ANXA4: variants seen among roughly 807,000 people sequenced by gnomAD.
ANXA4 encodes the protein annexin A4, also known as 35-beta calcimedin.
ANXA4 carries 39 observed loss-of-function variants against 49.8 expected under a neutral mutation model. The ratio of observed to expected loss-of-function variants is 0.78; its 90% CI spans 0.61 to 1.02. The LOEUF is 1.02. ANXA4 is among the 50% of genes least tolerant of loss of function. The pLI is 0.00. For missense variants in ANXA4, 360 were observed against 410.1 expected, an observed-to-expected ratio of 0.88 and a Z score of 1.05; for synonymous variants, 134 against 152.5, an observed-to-expected ratio of 0.88 and a Z score of 0.89.
intron 3 of ANXA4, among the ~76,000 whole-genome samples, chr2:69,736,888 A>G (rs1435759870): frequency 2.0e-5 from 3 of 152,222 alleles, no homozygotes; most frequent in Non-Finnish European, 4.4e-5. Context: ...TGAAACCTCC[A>G]GTTCCCAGGT....
At chr2:69,694,542 G>T (rs1343915745) in intron 2 of ANXA4, among the ~76,000 whole-genome samples, 8 of 86,610 alleles carry the variant, frequency 9.2e-5, no homozygotes, top group Non-Finnish European at 1.5e-4. Flanking sequence ...CCCCACAACA[G>T]TCCCCGGTGT....
intron 2 of ANXA4, among the ~76,000 whole-genome samples, chr2:69,683,166 A>C (rs75774734): frequency 0.011 from 1,663 of 152,366 alleles, 27 homozygotes; most frequent in African/African-American, 0.039. Context: ...ATAAACACAC[A>C]TATGTCAATA....
chr2:69,762,313 AAGCTGGAGGCTGCACTGAGCT>A (rs1237465243), intron 1 of ANXA4, among the ~76,000 whole-genome samples: 3 of 152,018 alleles, frequency 2.0e-5, no homozygotes, highest in Non-Finnish European at 4.4e-5. Flanking sequence ...TGGACCCTAA[AAGCTGGAGGCTGCACTGAGCT>A]ATGATAGTGC....
chr2:69,732,852 T>C (rs1237867669), intron 3 of ANXA4, among the ~76,000 whole-genome samples: 1 of 152,236 alleles, frequency 6.6e-6, no homozygotes, highest in Non-Finnish European at 1.5e-5. Flanking sequence ...TCAGTTACCT[T>C]GCTATGCCAT....
chr2:69,801,406 T>TA (rs926549529), intron 3 of ANXA4, among the ~76,000 whole-genome samples: 31 of 151,670 alleles, frequency 2.0e-4, no homozygotes, highest in African/African-American at 7.5e-4. Context: ...GTTTTTTGTT[T>TA]TTTTTTTCTT....
At chr2:69,799,268 C>T (rs1219464676) in intron 3 of ANXA4, among the ~76,000 whole-genome samples, 9 of 152,108 alleles carry the variant, frequency 5.9e-5, no homozygotes. Flanking sequence ...GGCATCCGCC[C>T]CATGAGTCTG....
At position 69,676,027 on chromosome 2, in the gene ANXA4, GATA is replaced by G. The variant is rs1008375536; in HGVS notation, n.766+22761_766+22763del. 1.1e-3 allele frequency among the ~76,000 whole-genome samples: 169 copies of G among 149,074 alleles called. 1 individual carries two copies. The highest frequency in any genetic ancestry group is 0.01 in the Middle Eastern group (3 of 286). Reference sequence around the variant, plus strand: ...GTCTCAAAAAAAAAAAAATAATAATGATAATAATAATAATAATAGTTAAAATGG... The same window carrying G: ...GTCTCAAAAAAAAAAAAATAATAATGATAATAATAATAATAGTTAAAATGG... On this transcript the variant is annotated intron_variant and non_coding_transcript_variant, in intron 2 of 3. Transcript: ENST00000418066.
chr2:69,745,477 C>T (rs1670572707), intron 1 of ANXA4, among the ~76,000 whole-genome samples: 1 of 152,166 alleles, frequency 6.6e-6, no homozygotes, highest in Non-Finnish European at 1.5e-5. Context: ...ATTTAAGCAG[C>T]TCCTTGGATG....
At chr2:69,721,783 A>G (rs935053344) in intron 3 of ANXA4, among the ~76,000 whole-genome samples, 2 of 152,140 alleles carry the variant, frequency 1.3e-5, no homozygotes, top group African/African-American at 4.8e-5. Flanking sequence ...GACCTCCCCC[A>G]GTCTCCTCTG....
At position 69,793,833 on chromosome 2, in the gene ANXA4, T is replaced by TA. The variant is rs796362407; in HGVS notation, c.97+5703dup. Among the ~76,000 whole-genome samples the TA allele has an allele frequency of 4.2e-3, 577 of 136,730 alleles. 21 individuals are homozygous for TA. In the South Asian group the frequency reaches 0.1, roughly 24 times the overall value. 89.7% of individuals were successfully genotyped at this position (136,730 alleles called of 152,430 possible). On this transcript the variant is annotated intron_variant, in intron 3 of 12. Transcript: ENST00000394295. The stretch of plus-strand genomic sequence containing the variant: ...GTGCACCAAGAGTGGCAAGACACAG[T>TA]AAAAAAAAAAAGCAATTCAGTCAAC...
intron 2 of ANXA4, among the ~76,000 whole-genome samples, chr2:69,708,065 G>T (rs1243332943): frequency 6.6e-6 from 1 of 152,138 alleles, no homozygotes; most frequent in Non-Finnish European, 1.5e-5. Context: ...GAACATAATC[G>T]CAAATATTCC....
chr2:69,656,508 AG>A (rs1676500891), intron 2 of ANXA4, among the ~76,000 whole-genome samples: 1 of 145,916 alleles, frequency 6.9e-6, no homozygotes, highest in Non-Finnish European at 1.5e-5. Context: ...GAAACTTCAG[AG>A]TTTAGTGCTT....
At chr2:69,718,968 C>A (rs1311984164) in intron 2 of ANXA4, among the ~76,000 whole-genome samples, 2 of 151,546 alleles carry the variant, frequency 1.3e-5, no homozygotes, top group Non-Finnish European at 2.9e-5. Context: ...AAGTCTCAAG[C>A]TAGCTACCCT....
chr2:69,668,438 C>G (rs1677024191), intron 2 of ANXA4, among the ~76,000 whole-genome samples: 1 of 151,966 alleles, frequency 6.6e-6, no homozygotes, highest in African/African-American at 2.4e-5. Context: ...ATAGTGAGAC[C>G]CTGTCTCTAC....
chr2:69,748,796 G>T (rs72903068), intron 1 of ANXA4, among the ~76,000 whole-genome samples: 7,964 of 149,564 alleles, frequency 0.053, 644 homozygotes, highest in African/African-American at 0.17. Flanking sequence ...CTGCACCCTC[G>T]ACCTCCCAAG....
chr2:69,647,800 T>TC (rs1676067435), intron 1 of ANXA4, among the ~76,000 whole-genome samples: 1 of 152,112 alleles, frequency 6.6e-6, no homozygotes, highest in Non-Finnish European at 1.5e-5. Context: ...CAGGTGATCC[T>TC]CCCACCTCAG....
In ANXA4 at chr2:69,806,462, G is replaced by A. The variant is rs760990785; in HGVS notation, c.270G>A (p.Val90=). The change falls in exon 5 of 13, where the codon GTG becomes GTA. Residue 90 remains valine, a synonymous_variant. Transcript: ENST00000394295. ...TTGTGGGGATGATGACGCCCACGGT[G>A]CTGTATGACGTGCAAGAGCTGCGAA... ...QVIVGMMTPT[V]LYDVQELRRA... The A allele has an allele frequency of 1.2e-6, 2 of 1,614,124 alleles. No homozygotes were observed. The highest frequency in any genetic ancestry group is 3.3e-5 in the Admixed American group (2 of 60,022).
At chr2:69,779,931 A>G (rs1672126848) in intron 1 of ANXA4, among the ~76,000 whole-genome samples, 1 of 152,180 alleles carries the variant, frequency 6.6e-6, no homozygotes, top group African/African-American at 2.4e-5. Context: ...TTGAACCCCC[A>G]GGTAATAGGG....
chr2:69,721,178 G>A (rs1030189749), intron 3 of ANXA4, among the ~76,000 whole-genome samples: 1 of 152,212 alleles, frequency 6.6e-6, no homozygotes, highest in Admixed American at 6.5e-5. Context: ...GCCACTCTTT[G>A]TCAGTTCCCA....
Sources: allele counts gnomAD v4.1 joint callset (sites outside exome capture counted in the v4.1 genomes callset), GRCh38; gene constraint gnomAD v4.1.1; transcripts MANE v1.5; gene names NCBI Gene and HGNC (gene_info 2026-07-23, HGNC 2026-07-21).